Variants in MTX2 observed in about 807,000 individuals in gnomAD.
MTX2 encodes the protein metaxin-2.
MTX2 carries 35 observed loss-of-function variants against 42.3 expected under a neutral mutation model. The observed-to-expected ratio is 0.83, with a 90% confidence interval of 0.63 to 1.10. MTX2 has a LOEUF of 1.10. Ranked by LOEUF, MTX2 falls within the 50% of genes least tolerant of loss-of-function variation. MTX2 has a pLI of 0.00. For synonymous variants in MTX2, 119 were observed against 100.9 expected (o/e 1.18, Z -1.08); for missense variants, 307 against 304.1 (o/e 1.01, Z -0.07).
At chr2:176,303,835 G>A (rs1257212252) in intron 3 of MTX2, among the ~76,000 whole-genome samples, 1 of 151,914 alleles carries the variant, frequency 6.6e-6, no homozygotes, top group African/African-American at 2.4e-5. Context: ...AAAGGGTAAT[G>A]GTTTACTGAT....
chr2:176,329,833 G>A (rs1308350967), intron 8 of MTX2, among the ~76,000 whole-genome samples: 2 of 146,150 alleles, frequency 1.4e-5, no homozygotes, highest in East Asian at 4.0e-4. Flanking sequence ...ATATAGATCT[G>A]CAGCATCAGG....
At chr2:176,270,087 T>G in intron 1 of MTX2, 1 of 308,044 alleles carries the variant, frequency 3.2e-6, no homozygotes, top group Non-Finnish European at 6.2e-6. Flanking sequence ...AATCAGTTGT[T>G]ACCTATTGTT....
chr2:176,297,760 G>A (rs530434697), intron 2 of MTX2, 89 bp from the exon 3 acceptor site: 60 of 742,614 alleles, frequency 8.1e-5, no homozygotes, highest in Non-Finnish European at 1.0e-4. Context: ...AGTGGTAGGC[G>A]ATACCTTTGA....
At chr2:176,287,320 G>A (rs1043806344) in intron 1 of MTX2, among the ~76,000 whole-genome samples, 1 of 152,124 alleles carries the variant, frequency 6.6e-6, no homozygotes, top group Non-Finnish European at 1.5e-5. Context: ...GAAGTAAGAT[G>A]TATGTATAAT....
At chr2:176,301,276 T>C (rs1297393872) in intron 3 of MTX2, among the ~76,000 whole-genome samples, 1 of 152,176 alleles carries the variant, frequency 6.6e-6, no homozygotes, top group East Asian at 1.9e-4. Flanking sequence ...ATCCTCATTT[T>C]AAAGATGTGG....
chr2:176,319,575 G>GTTTTGTT (rs1482809621), intron 3 of MTX2, among the ~76,000 whole-genome samples: 1 of 150,718 alleles, frequency 6.6e-6, no homozygotes, highest in Non-Finnish European at 1.5e-5. Flanking sequence ...TGTTTGTTTT[G>GTTTTGTT]TTTTGTTTTT....
intron 3 of MTX2, among the ~76,000 whole-genome samples, chr2:176,322,447 G>A (rs766474440): frequency 6.6e-6 from 1 of 151,862 alleles, no homozygotes; most frequent in Non-Finnish European, 1.5e-5. Flanking sequence ...ATTTGTATGT[G>A]GTAATTAGAA....
intron 3 of MTX2, among the ~76,000 whole-genome samples, chr2:176,313,382 C>T (rs1208493644): frequency 2.1e-5 from 3 of 141,398 alleles, no homozygotes; most frequent in Non-Finnish European, 3.0e-5. Flanking sequence ...TTGTTCTACA[C>T]TGATTCTTTT....
chr2:176,310,367 A>T (rs1575050851), intron 3 of MTX2, among the ~76,000 whole-genome samples: 2 of 152,022 alleles, frequency 1.3e-5, no homozygotes, highest in East Asian at 3.9e-4. Context: ...GAATCTGACA[A>T]TTATGTGTGT....
intron 3 of MTX2, among the ~76,000 whole-genome samples, chr2:176,309,950 A>C (rs1001308449): frequency 6.6e-6 from 1 of 152,038 alleles, no homozygotes; most frequent in South Asian, 2.1e-4. Context: ...TGTCATTATG[A>C]TATTAGCTGG....
chr2:176,298,017 G>A (rs1683933484), intron 3 of MTX2, 122 bp downstream of exon 3: 1 of 541,210 alleles, frequency 1.8e-6, no homozygotes, highest in African/African-American at 2.0e-5. Flanking sequence ...TTTTTTCTGT[G>A]TGATTTACCA....
intron 3 of MTX2, among the ~76,000 whole-genome samples, chr2:176,298,659 C>G (rs1683949832): frequency 6.6e-6 from 1 of 152,064 alleles, no homozygotes; most frequent in Admixed American, 6.6e-5. Flanking sequence ...TAGACTGTAT[C>G]CACTAAATGT....
At chr2:176,278,145 G>C (rs929520199) in intron 1 of MTX2, among the ~76,000 whole-genome samples, 7 of 140,886 alleles carry the variant, frequency 5.0e-5, no homozygotes, top group African/African-American at 1.9e-4. Context: ...CTGCCTCCCA[G>C]GTTCAAGTGA....
At chr2:176,318,069 G>A (rs1429899754) in intron 3 of MTX2, among the ~76,000 whole-genome samples, 3 of 152,056 alleles carry the variant, frequency 2.0e-5, no homozygotes, top group African/African-American at 4.8e-5. Context: ...TTAGAAAAAT[G>A]GGTTGACATC....
chr2:176,298,976 C>G (rs551974452), intron 3 of MTX2, among the ~76,000 whole-genome samples: 10 of 152,064 alleles, frequency 6.6e-5, no homozygotes, highest in Admixed American at 1.3e-4. Flanking sequence ...CTATCGGGAT[C>G]CCCTAGGAAG....
chr2:176,333,311 T>C (rs1429874264), intron 9 of MTX2, among the ~76,000 whole-genome samples: 5 of 151,542 alleles, frequency 3.3e-5, no homozygotes, highest in Non-Finnish European at 7.4e-5. Context: ...ATAATTAAAA[T>C]TGGAGGTATA....
At chr2:176,313,973 C>T (rs879309349) in intron 3 of MTX2, among the ~76,000 whole-genome samples, 2 of 152,050 alleles carry the variant, frequency 1.3e-5, no homozygotes, top group Admixed American at 6.5e-5. Context: ...TGCACAGTAG[C>T]CACCAAGGCT....
chr2:176,313,725 C>CAG (rs201275937), intron 3 of MTX2, among the ~76,000 whole-genome samples: 2,359 of 152,190 alleles, frequency 0.016, 30 homozygotes, highest in Non-Finnish European at 0.026. Context: ...AAGACTGATG[C>CAG]AGAGGATTTC....
At chr2:176,325,507 C>T (rs968981530) in intron 4 of MTX2, among the ~76,000 whole-genome samples, 2 of 151,620 alleles carry the variant, frequency 1.3e-5, no homozygotes, top group East Asian at 1.9e-4. Flanking sequence ...GAATTGACAA[C>T]GCTCAATGTA....
Sources: gnomAD v4.1 joint callset for allele counts (sites outside exome capture counted in the v4.1 genomes callset) on GRCh38, gnomAD v4.1.1 for gene constraint, MANE v1.5 for transcripts, NCBI Gene and HGNC (gene_info 2026-07-23, HGNC 2026-07-21) for gene names.